Variants in UBQLN4 observed in about 807,000 individuals in gnomAD.
UBQLN4 encodes ubiquilin 4, also known as ubiquilin-4.
In UBQLN4, 11 loss-of-function variants were observed where a neutral mutation model predicts 60.4. The observed-to-expected ratio is 0.18, with a 90% CI of 0.11 to 0.30. The LOEUF is 0.30. Ranked by LOEUF, UBQLN4 falls within the 10% of genes least tolerant of loss-of-function variation. The pLI, the probability that UBQLN4 is intolerant of heterozygous loss-of-function variation, is 1.00. For missense variants in UBQLN4, 417 were observed against 795.5 expected, an observed-to-expected ratio of 0.52 and a Z score of 5.72; for synonymous variants, 258 against 313.1, an observed-to-expected ratio of 0.82 and a Z score of 1.86.
In UBQLN4 at chr1:156,035,764, G is replaced by T. The variant is rs1238984791; in HGVS notation, c.*1214C>A. 2.0e-6 allele frequency: 2 copies of T among 985,368 alleles called. No individual in the cohort carries two copies. The highest frequency in any genetic ancestry group is 3.5e-5 in the African/African-American group (2 of 57,196). The allele number at this position is 985,368 out of a possible 1,614,324, so 61.0% of individuals were successfully genotyped here. On this transcript the variant is annotated 3_prime_UTR_variant, in exon 11 of 11. Transcript: ENST00000368309. Reference sequence around the variant, plus strand: ...ACCTCTGGGTTACCCAGCATCCAGAGCCCCAAGGGACCTAGCTCTCCCGGA... The same window carrying T: ...ACCTCTGGGTTACCCAGCATCCAGATCCCCAAGGGACCTAGCTCTCCCGGA...
Position 156,042,877 on chromosome 1 carries a change from T to C in UBQLN4, c.1163A>G (p.Gln388Arg), listed in dbSNP as rs1184861931. 6.2e-7 allele frequency: 1 copy of C among 1,614,170 alleles called. No individual in the cohort carries two copies. Residue 388 changes from glutamine to arginine, a missense_variant, in exon 7 of 11, where the codon CAG becomes CGG. By Grantham distance (43) the Gln-to-Arg change is conservative. Coordinates refer to ENST00000368309, the MANE Select transcript of UBQLN4 (RefSeq NM_020131.5). ...FNSPEMQALLQQISENPQLMQ... is the reference protein window; with the variant it reads ...FNSPEMQALLRQISENPQLMQ... ...CAGCTGGGGGTTCTCAGAGATCTGC[T>C]GGAGGAGGGCTTGCATTTCTGGGCT...
chr1:156,051,047 C>T (rs1311994124), intron 3 of UBQLN4, 63 bp downstream of exon 3: 7 of 1,517,672 alleles, frequency 4.6e-6, no homozygotes, highest in African/African-American at 1.4e-5. Context: ...TTTCTCCCTC[C>T]TCTTGGCTTT....
At chr1:156,040,055 G>A (rs1683513903) in intron 10 of UBQLN4, among the ~76,000 whole-genome samples, 1 of 152,002 alleles carries the variant, frequency 6.6e-6, no homozygotes, top group Non-Finnish European at 1.5e-5. Flanking sequence ...CTTGCCTGGG[G>A]TCACAGAGAA....
rs1683843792 is a variant in UBQLN4, at chr1:156,050,660, GT to G, written c.479-108del. ...GACACGCCCCAAATGCTTCTCACAT[GT>G]CCCTCTTCCTGTCATTCCCACAGCC... is the stretch of plus-strand genomic sequence containing the variant. On this transcript the variant is annotated intron_variant, in intron 3 of 10. Coordinates refer to ENST00000368309, the MANE Select transcript of UBQLN4 (RefSeq NM_020131.5). This position sits in a 1 kb window ranked among gnomAD's most constrained non-coding sequence, Gnocchi z 4.6. 1 of 1,429,848 alleles carries G rather than the reference GT, an allele frequency of 7.0e-7. No homozygotes were observed. The highest frequency in any genetic ancestry group is 9.3e-7 in the Non-Finnish European group (1 of 1,079,804). The allele number at this position is 1,429,848 out of a possible 1,614,324, so 88.6% of individuals were successfully genotyped here. A position where few individuals can be genotyped will look rare whatever the true frequency, so the allele number is the denominator to read the frequency against.
At chr1:156,039,659 C>T (rs990798585) in intron 10 of UBQLN4, among the ~76,000 whole-genome samples, 6 of 151,746 alleles carry the variant, frequency 4.0e-5, no homozygotes, top group Non-Finnish European at 7.4e-5. Flanking sequence ...TTATAGTGGC[C>T]GGGTGCGGTG....
downstream of UBQLN4, among the ~76,000 whole-genome samples, chr1:156,033,641 G>A (rs774634225): frequency 2.0e-5 from 3 of 152,058 alleles, no homozygotes; most frequent in Non-Finnish European, 2.9e-5. Flanking sequence ...TCAGAAGTTC[G>A]AGACCAGCCT....
intron 5 of UBQLN4, among the ~76,000 whole-genome samples, chr1:156,046,990 C>CCT (rs1415284266): frequency 6.6e-6 from 1 of 151,986 alleles, no homozygotes; most frequent in East Asian, 1.9e-4. Flanking sequence ...ATACTAGTTA[C>CCT]CTCTGGAAAG....
chr1:156,051,153 C>T lies in UBQLN4; in HGVS notation c.435G>A (p.Pro145=), dbSNP rs145443991. The T allele has an allele frequency of 3.3e-5, 54 of 1,612,076 alleles. No homozygotes were observed. The African/African-American group carries it at 5.7e-4, about 17-fold the overall frequency. ...CACTGGGGGATCCCTCCCCAGCCCC[C>T]GGAGAGGGCCCCCCACCACTGCTCC... The part of the protein sequence containing the change: ...SRRSSGGGPS[P]GAGEGSPSAT... Residue 145 remains proline, a synonymous_variant, in exon 3 of 11, where the codon CCG becomes CCA. Transcript: ENST00000368309.
At chr1:156,047,523 G>A (rs1683739436) in intron 5 of UBQLN4, among the ~76,000 whole-genome samples, 1 of 151,654 alleles carries the variant, frequency 6.6e-6, no homozygotes, top group Non-Finnish European at 1.5e-5. Flanking sequence ...GATTACAGGT[G>A]TCAGCCACTG....
At chr1:156,034,296 C>CTTTTTTTTTTTTT (rs59303673), downstream of UBQLN4, among the ~76,000 whole-genome samples, 1 of 123,376 alleles carries the variant, frequency 8.1e-6, no homozygotes, top group Non-Finnish European at 1.6e-5. Flanking sequence ...TTTTGTTTTA[C>CTTTTTTTTTTTTT]TTTTTTTTTT....
At chr1:156,051,969 G>T in intron 1 of UBQLN4, 112 bp from the exon 2 acceptor site, 1 of 1,380,148 alleles carries the variant, frequency 7.2e-7, no homozygotes, top group Non-Finnish European at 9.9e-7. Flanking sequence ...TCTAGTCATG[G>T]GAAGTCCTTT....
intron 7 of UBQLN4, 42 bp from the exon 8 acceptor site, chr1:156,042,278 A>G: frequency 6.5e-7 from 1 of 1,531,246 alleles, no homozygotes; most frequent in Non-Finnish European, 8.8e-7. Context: ...GGGCCTTTTC[A>G]CCCTAAGAAT....
At position 156,048,701 on chromosome 1, in the gene UBQLN4, G is replaced by A. The variant is rs73004944; in HGVS notation, c.742-42C>T. The A allele has an allele frequency of 1.1e-5, 17 of 1,596,882 alleles. No individual in the cohort carries two copies. The highest frequency in any genetic ancestry group is 1.4e-5 in the Non-Finnish European group (16 of 1,166,586). On this transcript the variant is annotated intron_variant, in intron 4 of 10. Coordinates refer to ENST00000368309, the MANE Select transcript of UBQLN4 (RefSeq NM_020131.5). This position sits in a 1 kb window ranked among gnomAD's most constrained non-coding sequence, Gnocchi z 4.9. ...GACAAAATGGGCCCCGGAACCAGGG[G>A]AGCACCAACCTAGGAAAAGGGTGGG...
Position 156,043,131 on chromosome 1 carries a change from G to A in UBQLN4, c.1127-218C>T, listed in dbSNP as rs574181690. The stretch of plus-strand genomic sequence containing the variant: ...GGCCTGGCCCCTTTTCCATTTACTT[G>A]ATAAGGACAAGCCAGCTAGGAACTG... On this transcript the variant is annotated intron_variant, in intron 6 of 10. Coordinates refer to ENST00000368309, the MANE Select transcript of UBQLN4 (RefSeq NM_020131.5). 5.1e-4 allele frequency among the ~76,000 whole-genome samples: 78 copies of A among 152,290 alleles called. 1 individual carries two copies. Among genetic ancestry groups the A allele is most frequent in the Non-Finnish European group, 8.4e-4 (57 of 68,022 alleles).
chr1:156,033,486 A>G (rs1223310915), downstream of UBQLN4, among the ~76,000 whole-genome samples: 1 of 151,994 alleles, frequency 6.6e-6, no homozygotes, highest in African/African-American at 2.4e-5. Context: ...GCTTGACCCC[A>G]GGAGTTTGAG....
chr1:156,051,426 C>A, intron 2 of UBQLN4, 99 bp from the exon 3 acceptor site: 1 of 1,430,114 alleles, frequency 7.0e-7, no homozygotes, highest in Non-Finnish European at 9.6e-7. Flanking sequence ...TATTTTAACC[C>A]AAGACCCCTC....
intron 10 of UBQLN4, among the ~76,000 whole-genome samples, chr1:156,039,037 C>A (rs954656001): frequency 6.6e-6 from 1 of 152,056 alleles, no homozygotes; most frequent in Non-Finnish European, 1.5e-5. Flanking sequence ...AGTGATACAC[C>A]CGCCTTGGCC....
downstream of UBQLN4, among the ~76,000 whole-genome samples, chr1:156,032,856 G>C (rs1683318695): frequency 6.6e-6 from 1 of 152,204 alleles, no homozygotes; most frequent in African/African-American, 2.4e-5. Flanking sequence ...TTCAGACGAA[G>C]AGGCGGAAGC....
rs371650061 is a variant in UBQLN4, at chr1:156,050,567, G to A, written c.479-14C>T. On this transcript the variant is annotated splice_polypyrimidine_tract_variant and intron_variant, in intron 3 of 10. Transcript: ENST00000368309. The surrounding 1 kb of genome is among the most constrained non-coding windows in gnomAD (Gnocchi z 4.6). ...CCCCAAAGCCAGCTGTGGGAAGGGG[G>A]CAGGGTCACAGTCTGCCACAAGAAC... 4 of 1,599,200 alleles carry A rather than the reference G, an allele frequency of 2.5e-6. No homozygotes were observed. The African/African-American group carries it at 4.0e-5, about 16-fold the overall frequency.
Sources: allele counts gnomAD v4.1 joint callset (sites outside exome capture counted in the v4.1 genomes callset), GRCh38; gene constraint gnomAD v4.1.1; non-coding constraint Gnocchi (gnomAD v3.1); transcripts MANE v1.5; gene names NCBI Gene and HGNC (gene_info 2026-07-23, HGNC 2026-07-21).